NT5C1A: variants seen among roughly 807,000 people sequenced by gnomAD.
NT5C1A encodes the protein 5'-nucleotidase, cytosolic IA, also known as cytosolic 5'-nucleotidase 1A.
Under a neutral mutation model 31.0 loss-of-function variants are expected in NT5C1A, and 18 were observed. The ratio of observed to expected loss-of-function variants is 0.58; its 90% CI spans 0.40 to 0.86. The LOEUF is 0.86. NT5C1A is among the 40% of genes least tolerant of loss of function. NT5C1A has a pLI of 0.00. For missense variants in NT5C1A, 470 were observed against 505.4 expected (o/e 0.93, Z 0.67); for synonymous variants, 185 against 203.6 (o/e 0.91, Z 0.78).
At position 39,658,131 on chromosome 1, in the gene NT5C1A, A is replaced by C. The variant is rs1302309996; in HGVS notation, c.*990T>G. Among the ~76,000 whole-genome samples, 1 of 152,234 alleles carries C rather than the reference A, an allele frequency of 6.6e-6. No homozygotes were observed. The highest frequency in any genetic ancestry group is 1.5e-5 in the Non-Finnish European group (1 of 68,042). On this transcript the variant is annotated 3_prime_UTR_variant, in exon 6 of 6. Transcript: ENST00000235628. ...AGTGAGGGTCTTGGCAGGCAAGAGC[A>C]ACTGAACTTCGGCTCAAAGCAAGAG...
In NT5C1A at chr1:39,651,599, C is replaced by T. The variant is rs566790695; in HGVS notation, c.*7522G>A. ...ACTGAGGCAGCAAATGCTATCAAAG[C>T]AAAGGGCTTCTGACAGGTAGATACA... On this transcript the variant is annotated 3_prime_UTR_variant, in exon 6 of 6. Transcript: ENST00000235628. Among the ~76,000 whole-genome samples, 6 of 152,322 alleles carry T rather than the reference C, an allele frequency of 3.9e-5. No homozygotes were observed. The highest frequency in any genetic ancestry group is 1.4e-4 in the African/African-American group (6 of 41,576).
Position 39,654,223 on chromosome 1 carries a change from A to G in NT5C1A, c.*4898T>C, listed in dbSNP as rs1646448671. On this transcript the variant is annotated 3_prime_UTR_variant, in exon 6 of 6. Transcript: ENST00000235628. ...TTTATTGCTCACGTGCCTTCATGCC[A>G]CAAGAAACTGCCATTCCAGCTGTTA... Among the ~76,000 whole-genome samples the G allele has an allele frequency of 6.6e-6, 1 of 151,868 alleles. No homozygotes were observed. The highest frequency in any genetic ancestry group is 1.5e-5 in the Non-Finnish European group (1 of 68,036).
chr1:39,670,451 T>C (rs537327627), intron 1 of NT5C1A, among the ~76,000 whole-genome samples: 1 of 152,252 alleles, frequency 6.6e-6, no homozygotes, highest in Non-Finnish European at 1.5e-5. Flanking sequence ...GCTGCTAAAA[T>C]GTCCACCTAA....
At chr1:39,663,987 T>C (rs1265712216) in intron 3 of NT5C1A, among the ~76,000 whole-genome samples, 1 of 152,156 alleles carries the variant, frequency 6.6e-6, no homozygotes, top group Non-Finnish European at 1.5e-5. Context: ...AGGGAGAGTC[T>C]GTCCTGATTA....
intron 1 of NT5C1A, among the ~76,000 whole-genome samples, chr1:39,670,113 A>G (rs1452150449): frequency 6.6e-6 from 1 of 151,732 alleles, no homozygotes; most frequent in Non-Finnish European, 1.5e-5. Context: ...CATTACATTT[A>G]TTTATTTATT....
intron 3 of NT5C1A, among the ~76,000 whole-genome samples, chr1:39,663,824 T>C (rs1274318242): frequency 1.3e-5 from 2 of 152,208 alleles, no homozygotes; most frequent in Admixed American, 6.5e-5. Flanking sequence ...AAAGTATTTG[T>C]TGGTTGATAA....
chr1:39,667,195 TC>T (rs1422642533), intron 1 of NT5C1A, among the ~76,000 whole-genome samples: 4 of 106,616 alleles, frequency 3.8e-5, no homozygotes, highest in Non-Finnish European at 7.2e-5. Flanking sequence ...ACTTTCCCCC[TC>T]TTTTTTTTTT....
rs1181805894 is a variant in NT5C1A at position 39,653,298 on chromosome 1, A to G, written c.*5823T>C. Among the ~76,000 whole-genome samples, 1 of 151,812 alleles carries G rather than the reference A, an allele frequency of 6.6e-6. No homozygotes were observed. The highest frequency in any genetic ancestry group is 2.4e-5 in the African/African-American group (1 of 41,292). On this transcript the variant is annotated 3_prime_UTR_variant, in exon 6 of 6. Coordinates refer to ENST00000235628, the MANE Select transcript of NT5C1A (RefSeq NM_032526.3). ...CCATGTTATGATGGAAATGGGTACA[A>G]CTATCCTAGGGCTGGCCATCAGTAT...
At chr1:39,664,920 A>T (rs1557746275) in intron 3 of NT5C1A, among the ~76,000 whole-genome samples, 1 of 152,076 alleles carries the variant, frequency 6.6e-6, no homozygotes, top group East Asian at 1.9e-4. Flanking sequence ...AGAAAAGAAG[A>T]GCCGGGAGAG....
At chr1:39,671,043 G>A (rs1420191629) in intron 1 of NT5C1A, among the ~76,000 whole-genome samples, 1 of 152,200 alleles carries the variant, frequency 6.6e-6, no homozygotes, top group African/African-American at 2.4e-5. Flanking sequence ...GGTTCTTGGA[G>A]GGAAGCAGCA....
At position 39,651,436 on chromosome 1, in the gene NT5C1A, A is replaced by C. The variant is rs1005255011; in HGVS notation, c.*7685T>G. The stretch of plus-strand genomic sequence containing the variant: ...GTGCTACTAGTAGGCCAAAGAGGGC[A>C]AAGCTGGGAGAAGTACAAGCAGTCT... On this transcript the variant is annotated 3_prime_UTR_variant, in exon 6 of 6. Transcript: ENST00000235628. 6.6e-6 allele frequency among the ~76,000 whole-genome samples: 1 copy of C among 152,240 alleles called. No individual in the cohort carries two copies. Among genetic ancestry groups the C allele is most frequent in the Non-Finnish European group, 1.5e-5 (1 of 68,042 alleles).
chr1:39,662,354 T>C (rs1459891492), intron 4 of NT5C1A, among the ~76,000 whole-genome samples: 1 of 152,094 alleles, frequency 6.6e-6, no homozygotes, highest in Non-Finnish European at 1.5e-5. Flanking sequence ...ACCCCTACCC[T>C]CAACAGGGCC....
intron 3 of NT5C1A, among the ~76,000 whole-genome samples, chr1:39,664,504 C>T (rs1173887064): frequency 1.1e-5 from 1 of 87,394 alleles, no homozygotes; most frequent in Non-Finnish European, 2.3e-5. Flanking sequence ...CTCTCCTCTC[C>T]TCTCCTCTCC....
chr1:39,660,753 T>C (rs1646489014), intron 5 of NT5C1A, among the ~76,000 whole-genome samples: 1 of 151,484 alleles, frequency 6.6e-6, no homozygotes, highest in South Asian at 2.1e-4. Context: ...GGTGGGGACA[T>C]AGAGAATGGG....
At position 39,652,479 on chromosome 1, in the gene NT5C1A, C is replaced by T. The variant is rs544474646; in HGVS notation, c.*6642G>A. On this transcript the variant is annotated 3_prime_UTR_variant, in exon 6 of 6. Coordinates refer to ENST00000235628, the MANE Select transcript of NT5C1A (RefSeq NM_032526.3). Reference sequence around the variant, plus strand: ...CTCCACTCATTTATGTTTCCTGCCTCGCCCCTGTAGGCATTGGGGTTTGTG... The same window carrying T: ...CTCCACTCATTTATGTTTCCTGCCTTGCCCCTGTAGGCATTGGGGTTTGTG... Among the ~76,000 whole-genome samples the T allele has an allele frequency of 5.3e-5, 8 of 152,210 alleles. No individual in the cohort carries two copies. Among genetic ancestry groups the T allele is most frequent in the East Asian group, 3.9e-4 (2 of 5,168 alleles).
At position 39,657,594 on chromosome 1, in the gene NT5C1A, C is replaced by T. The variant is rs958257685; in HGVS notation, c.*1527G>A. ...CCAGCCATTGGTGCTTCCACCCTCC[C>T]TCTGGAGAGAGCCAGGGATGCTCAG... On this transcript the variant is annotated 3_prime_UTR_variant, in exon 6 of 6. Coordinates refer to ENST00000235628, the MANE Select transcript of NT5C1A (RefSeq NM_032526.3). 2.0e-5 allele frequency among the ~76,000 whole-genome samples: 3 copies of T among 152,358 alleles called. No individual in the cohort carries two copies. Among genetic ancestry groups the T allele is most frequent in the African/African-American group, 7.2e-5 (3 of 41,582 alleles).
rs1269077484 is a variant in NT5C1A at position 39,653,434 on chromosome 1, A to G, written c.*5687T>C. 1.3e-5 allele frequency among the ~76,000 whole-genome samples: 2 copies of G among 152,190 alleles called. No individual in the cohort carries two copies. The highest frequency in any genetic ancestry group is 4.8e-5 in the African/African-American group (2 of 41,446). On this transcript the variant is annotated 3_prime_UTR_variant, in exon 6 of 6. Coordinates refer to ENST00000235628, the MANE Select transcript of NT5C1A (RefSeq NM_032526.3). The stretch of plus-strand genomic sequence containing the variant: ...TATCTGGCCCATTACACACACCCAC[A>G]TAAATACACGTACGTGTACGATTTT...
At chr1:39,671,823 G>A (rs1646553808) in intron 1 of NT5C1A, 81 bp downstream of exon 1, 2 of 1,545,884 alleles carry the variant, frequency 1.3e-6, no homozygotes, top group African/African-American at 2.8e-5. Context: ...GGGCGCCACG[G>A]GTCCCTTCCC....
At chr1:39,669,232 A>G (rs1412742332) in intron 1 of NT5C1A, among the ~76,000 whole-genome samples, 2 of 152,198 alleles carry the variant, frequency 1.3e-5, no homozygotes, top group Non-Finnish European at 2.9e-5. Flanking sequence ...GAATGGAAGA[A>G]TAACAGAGTG....
Sources: allele counts gnomAD v4.1 joint callset (sites outside exome capture counted in the v4.1 genomes callset), GRCh38; gene constraint gnomAD v4.1.1; transcripts MANE v1.5; gene names NCBI Gene and HGNC (gene_info 2026-07-23, HGNC 2026-07-21).